MSMP: variants seen among roughly 807,000 people sequenced by gnomAD.
MSMP encodes microseminoprotein, prostate associated.
Under a neutral mutation model 15.8 loss-of-function variants are expected in MSMP, and 9 were observed. The ratio of observed to expected loss-of-function variants is 0.57; its 90% CI spans 0.34 to 0.99. MSMP has a LOEUF of 0.99. Ranked by LOEUF, MSMP falls within the 50% of genes least tolerant of loss-of-function variation. MSMP has a pLI of 0.02. For missense variants in MSMP, 170 were observed against 173.4 expected, an observed-to-expected ratio of 0.98 and a Z score of 0.11; for synonymous variants, 64 against 64.4, an observed-to-expected ratio of 0.99 and a Z score of 0.03.
Position 35,753,328 on chromosome 9 carries a change from CT to C in MSMP, c.240-49del, listed in dbSNP as rs765699346. 2.0e-5 allele frequency: 31 copies of C among 1,580,764 alleles called. No individual in the cohort carries two copies. In the East Asian group the frequency reaches 6.7e-4, roughly 34 times the overall value. On this transcript the variant is annotated intron_variant, in intron 2 of 2. Transcript: ENST00000436428. The surrounding 1 kb of genome is among the most constrained non-coding windows in gnomAD (Gnocchi z 4.2). ...AGGAGTCAGCACAGTGAAAGGCTGC[CT>C]TTATCCCTGCCCACATGTTCCCTCT...
chr9:35,753,398 G>A lies in MSMP; in HGVS notation c.240-118C>T. ...CAGAGCCCCTTTCAGTGGCCCCTTG[G>A]TCCTCCTAACTAAGCTGTCACCTAC... On this transcript the variant is annotated intron_variant, in intron 2 of 2. Coordinates refer to ENST00000436428, the MANE Select transcript of MSMP (RefSeq NM_001044264.3). This position sits in a 1 kb window ranked among gnomAD's most constrained non-coding sequence, Gnocchi z 4.2. 8.6e-7 allele frequency: 1 copy of A among 1,161,150 alleles called. No individual in the cohort carries two copies. Among genetic ancestry groups the A allele is most frequent in the Admixed American group, 2.5e-5 (1 of 39,834 alleles). The allele number at this position is 1,161,150 out of a possible 1,614,324, so 71.9% of individuals were successfully genotyped here.
Position 35,753,848 on chromosome 9 carries a change from G to T in MSMP, c.131-80C>A. ...GCTCTTCTGGTCTGGGGTGGAGACA[G>T]TAAGTACGCACTATCCCCGTATTTA... is the stretch of plus-strand genomic sequence containing the variant. On this transcript the variant is annotated intron_variant, in intron 1 of 2. Coordinates refer to ENST00000436428, the MANE Select transcript of MSMP (RefSeq NM_001044264.3). The surrounding 1 kb of genome is among the most constrained non-coding windows in gnomAD (Gnocchi z 4.2). The T allele has an allele frequency of 6.6e-7, 1 of 1,522,200 alleles. No individual in the cohort carries two copies. The highest frequency in any genetic ancestry group is 9.1e-7 in the Non-Finnish European group (1 of 1,104,330). The allele number at this position is 1,522,200 out of a possible 1,614,324, so 94.3% of individuals were successfully genotyped here.
Position 35,753,803 on chromosome 9 carries a change from A to T in MSMP, c.131-35T>A. 1.9e-6 allele frequency: 3 copies of T among 1,582,800 alleles called. No individual in the cohort carries two copies. Among genetic ancestry groups the T allele is most frequent in the Non-Finnish European group, 2.6e-6 (3 of 1,152,242 alleles). On this transcript the variant is annotated intron_variant, in intron 1 of 2. Transcript: ENST00000436428. This position sits in a 1 kb window ranked among gnomAD's most constrained non-coding sequence, Gnocchi z 4.2. ...AACGGGAAATGTTAGTAGGTGTAGG[A>T]GTGCTGATGAGAGGCAGAGGCTCTT...
chr9:35,753,513 T>C lies in MSMP; in HGVS notation c.239+147A>G. On this transcript the variant is annotated intron_variant, in intron 2 of 2. Transcript: ENST00000436428. The surrounding 1 kb of genome is among the most constrained non-coding windows in gnomAD (Gnocchi z 4.2). ...TGATTTATAGCCTGAAGCCTTATCT[T>C]TCACACTAGTGTTGGTCCCTTCAGG... is the stretch of plus-strand genomic sequence containing the variant. The C allele has an allele frequency of 2.5e-6, 2 of 786,674 alleles. No homozygotes were observed. The highest frequency in any genetic ancestry group is 2.6e-4 in the Middle Eastern group (1 of 3,868). 48.7% of individuals were successfully genotyped at this position (786,674 alleles called of 1,614,324 possible). A position where few individuals can be genotyped will look rare whatever the true frequency, so the allele number is the denominator to read the frequency against.
Position 35,754,246 on chromosome 9 carries a change from G to A in MSMP, c.-117C>T. On this transcript the variant is annotated 5_prime_UTR_variant, in exon 1 of 3. Transcript: ENST00000436428. ...TCTTAGTTTCTGTCTTTCTCCCCTGGGCTCCTGTCTCACACTATCTCCCTG... is the reference window on the plus strand; with the variant it reads ...TCTTAGTTTCTGTCTTTCTCCCCTGAGCTCCTGTCTCACACTATCTCCCTG... The A allele has an allele frequency of 7.5e-7, 1 of 1,340,814 alleles. No individual in the cohort carries two copies. Among genetic ancestry groups the A allele is most frequent in the Non-Finnish European group, 1.0e-6 (1 of 990,524 alleles). 83.1% of individuals were successfully genotyped at this position (1,340,814 alleles called of 1,614,324 possible). A position where few individuals can be genotyped will look rare whatever the true frequency, so the allele number is the denominator to read the frequency against.
Position 35,753,474 on chromosome 9 carries a change from A to G in MSMP, c.239+186T>C. 1 of 770,746 alleles carries G rather than the reference A, an allele frequency of 1.3e-6. No individual in the cohort carries two copies. The highest frequency in any genetic ancestry group is 1.9e-5 in the South Asian group (1 of 53,126). 47.7% of individuals were successfully genotyped at this position (770,746 alleles called of 1,614,324 possible). On this transcript the variant is annotated intron_variant, in intron 2 of 2. Transcript: ENST00000436428. The surrounding 1 kb of genome is among the most constrained non-coding windows in gnomAD (Gnocchi z 4.2). ...ACAGGAGTATTTTCTCTCCAGGTCC[A>G]CCCCAACCTCCCCTGATTTATAGCC...
rs891137146 is a variant in MSMP at position 35,754,065 on chromosome 9, C to A, written c.65G>T (p.Cys22Phe). ...KGILGGWGII[C>F]LVMSLLLQHP... The stretch of plus-strand genomic sequence containing the variant: ...CTGGAGGAGTAGAGACATCACCAAG[C>A]AGATGATCCCCCAGCCTCCTAGGAT... The change falls in exon 1 of 3, where the codon TGC becomes TTC. Residue 22 changes from cysteine to phenylalanine, a missense_variant. Coordinates refer to ENST00000436428, the MANE Select transcript of MSMP (RefSeq NM_001044264.3). 3.1e-6 allele frequency: 5 copies of A among 1,613,768 alleles called. No individual in the cohort carries two copies. In the African/African-American group the frequency reaches 4.0e-5, roughly 13 times the overall value.
chr9:35,753,887 G>A lies in MSMP; in HGVS notation c.130+113C>T. The A allele has an allele frequency of 6.5e-7, 1 of 1,548,302 alleles. No individual in the cohort carries two copies. The highest frequency in any genetic ancestry group is 8.8e-7 in the Non-Finnish European group (1 of 1,137,648). On this transcript the variant is annotated intron_variant, in intron 1 of 2. Coordinates refer to ENST00000436428, the MANE Select transcript of MSMP (RefSeq NM_001044264.3). This position sits in a 1 kb window ranked among gnomAD's most constrained non-coding sequence, Gnocchi z 4.2. ...TCCCCGTATTTAGTTTGTCTTTCCT[G>A]TTTCACAGCTGGAGGAAGCCTGGGT...
At position 35,753,668 on chromosome 9, in the gene MSMP, G is replaced by A; in HGVS notation, c.231C>T (p.Cys77=). Residue 77 remains cysteine, a synonymous_variant, in exon 2 of 3, where the codon TGC becomes TGT. Coordinates refer to ENST00000436428, the MANE Select transcript of MSMP (RefSeq NM_001044264.3). The surrounding 1 kb of genome is among the most constrained non-coding windows in gnomAD (Gnocchi z 4.2). ...CTCLHPVGVG[C]CDTSQHPIDF... ...CATCTTTGGTCACTCACGTGTCACA[G>A]CAGCCCACGCCAACAGGATGCAGAC... 6.2e-7 allele frequency: 1 copy of A among 1,613,680 alleles called. No homozygotes were observed. Among genetic ancestry groups the A allele is most frequent in the South Asian group, 1.1e-5 (1 of 91,052 alleles).
In MSMP at chr9:35,753,254, G is replaced by A; in HGVS notation, c.266C>T (p.Ala89Val). ...DTSQHPIDFPAGCEVRQEAGT... is the reference protein window; with the variant it reads ...DTSQHPIDFPVGCEVRQEAGT... ...TGCCTCCTGACGTACCTCACACCCA[G>A]CCGGGAAGTCGATGGGATGCTGGGA... Residue 89 changes from alanine to valine, a missense_variant, in exon 3 of 3, where the codon GCT becomes GTT. Ala to Val is a moderately conservative substitution (Grantham distance 64). Coordinates refer to ENST00000436428, the MANE Select transcript of MSMP (RefSeq NM_001044264.3). The surrounding 1 kb of genome is among the most constrained non-coding windows in gnomAD (Gnocchi z 4.2). The A allele has an allele frequency of 6.2e-7, 1 of 1,614,072 alleles. No homozygotes were observed. Among genetic ancestry groups the A allele is most frequent in the Non-Finnish European group, 8.5e-7 (1 of 1,180,020 alleles).
In MSMP at chr9:35,753,410, A is replaced by G; in HGVS notation, c.240-130T>C. ...CAGTGGCCCCTTGGTCCTCCTAACT[A>G]AGCTGTCACCTACCATATGTGGGCC... On this transcript the variant is annotated intron_variant, in intron 2 of 2. Coordinates refer to ENST00000436428, the MANE Select transcript of MSMP (RefSeq NM_001044264.3). The surrounding 1 kb of genome is among the most constrained non-coding windows in gnomAD (Gnocchi z 4.2). The G allele has an allele frequency of 9.8e-7, 1 of 1,021,328 alleles. No individual in the cohort carries two copies. The highest frequency in any genetic ancestry group is 1.4e-6 in the Non-Finnish European group (1 of 710,616). The allele number at this position is 1,021,328 out of a possible 1,614,324, so 63.3% of individuals were successfully genotyped here. A position where few individuals can be genotyped will look rare whatever the true frequency, so the allele number is the denominator to read the frequency against.
chr9:35,754,088 G>C lies in MSMP; in HGVS notation c.42C>G (p.Ile14Met), dbSNP rs1470928663. 1.2e-6 allele frequency: 2 copies of C among 1,613,584 alleles called. No homozygotes were observed. Among genetic ancestry groups the C allele is most frequent in the Admixed American group, 1.7e-5 (1 of 59,972 alleles). ...AGCAGATGATCCCCCAGCCTCCTAG[G>C]ATCCCCTTGGCCTGTCCAGCCCAGA... The part of the protein sequence containing the change: ...RMLWAGQAKG[I>M]LGGWGIICLV... The change falls in exon 1 of 3, where the codon ATC becomes ATG. Residue 14 changes from isoleucine (I) to methionine (M), a missense_variant. By Grantham distance (10) the Ile-to-Met change is conservative. Coordinates refer to ENST00000436428, the MANE Select transcript of MSMP (RefSeq NM_001044264.3).
In MSMP at chr9:35,753,426, T is replaced by C; in HGVS notation, c.240-146A>G. On this transcript the variant is annotated intron_variant, in intron 2 of 2. Coordinates refer to ENST00000436428, the MANE Select transcript of MSMP (RefSeq NM_001044264.3). This position sits in a 1 kb window ranked among gnomAD's most constrained non-coding sequence, Gnocchi z 4.2. ...CTCCTAACTAAGCTGTCACCTACCA[T>C]ATGTGGGCCTTTTTGTTTTATAACA... 1.1e-6 allele frequency: 1 copy of C among 888,460 alleles called. No individual in the cohort carries two copies. The highest frequency in any genetic ancestry group is 1.7e-6 in the Non-Finnish European group (1 of 593,852). 55.0% of individuals were successfully genotyped at this position (888,460 alleles called of 1,614,324 possible). A position where few individuals can be genotyped will look rare whatever the true frequency, so the allele number is the denominator to read the frequency against.
Position 35,753,365 on chromosome 9 carries a change from T to C in MSMP, c.240-85A>G, listed in dbSNP as rs965051726. On this transcript the variant is annotated intron_variant, in intron 2 of 2. Coordinates refer to ENST00000436428, the MANE Select transcript of MSMP (RefSeq NM_001044264.3). This position sits in a 1 kb window ranked among gnomAD's most constrained non-coding sequence, Gnocchi z 4.2. ...CCACATGTTCCCTCTCTCACAGTTT[T>C]CCCCCCACAGAGCCCCTTTCAGTGG... 1.3e-4 allele frequency: 189 copies of C among 1,469,584 alleles called. No individual in the cohort carries two copies. The highest frequency in any genetic ancestry group is 1.7e-4 in the Non-Finnish European group (185 of 1,085,772). The allele number at this position is 1,469,584 out of a possible 1,614,324, so 91.0% of individuals were successfully genotyped here.
Position 35,753,094 on chromosome 9 carries a change from T to C in MSMP, c.*6A>G. ...GAGCAGTCAGCAGATGGATGATCAG[T>C]TGAGTTTAGCTGGAGTGGGGAGCAG... On this transcript the variant is annotated 3_prime_UTR_variant, in exon 3 of 3. Coordinates refer to ENST00000436428, the MANE Select transcript of MSMP (RefSeq NM_001044264.3). The surrounding 1 kb of genome is among the most constrained non-coding windows in gnomAD (Gnocchi z 4.2). 6.2e-7 allele frequency: 1 copy of C among 1,612,836 alleles called. No homozygotes were observed. The highest frequency in any genetic ancestry group is 8.5e-7 in the Non-Finnish European group (1 of 1,179,066).
Position 35,753,307 on chromosome 9 carries a change from G to T in MSMP, c.240-27C>A, listed in dbSNP as rs758848388. 7.5e-6 allele frequency: 12 copies of T among 1,606,586 alleles called. No homozygotes were observed. Among genetic ancestry groups the T allele is most frequent in the Non-Finnish European group, 1.0e-5 (12 of 1,177,384 alleles). ...TGGGGAACCAAGGATAGGGGAAGGA[G>T]TCAGCACAGTGAAAGGCTGCCTTTA... On this transcript the variant is annotated intron_variant, in intron 2 of 2. Coordinates refer to ENST00000436428, the MANE Select transcript of MSMP (RefSeq NM_001044264.3). The surrounding 1 kb of genome is among the most constrained non-coding windows in gnomAD (Gnocchi z 4.2).
Position 35,753,076 on chromosome 9 carries a change from C to T in MSMP, c.*24G>A. ...GGAAGTGGCAGCAGCAGTGAGCAGTCAGCAGATGGATGATCAGTTGAGTTT... is the reference window on the plus strand; with the variant it reads ...GGAAGTGGCAGCAGCAGTGAGCAGTTAGCAGATGGATGATCAGTTGAGTTT... On this transcript the variant is annotated 3_prime_UTR_variant, in exon 3 of 3. Coordinates refer to ENST00000436428, the MANE Select transcript of MSMP (RefSeq NM_001044264.3). The surrounding 1 kb of genome is among the most constrained non-coding windows in gnomAD (Gnocchi z 4.2). The T allele has an allele frequency of 6.2e-7, 1 of 1,609,240 alleles. No individual in the cohort carries two copies. Among genetic ancestry groups the T allele is most frequent in the South Asian group, 1.1e-5 (1 of 90,810 alleles).
At position 35,753,730 on chromosome 9, in the gene MSMP, C is replaced by T; in HGVS notation, c.169G>A (p.Glu57Lys). Residue 57 changes from glutamate to lysine, a missense_variant, in exon 2 of 3, where the codon GAG becomes AAG. By Grantham distance (56) the Glu-to-Lys change is moderately conservative (BLOSUM62 1). Coordinates refer to ENST00000436428, the MANE Select transcript of MSMP (RefSeq NM_001044264.3). This position sits in a 1 kb window ranked among gnomAD's most constrained non-coding sequence, Gnocchi z 4.2. ...AAACAGTCCTTGCGGAGCCAAGACT[C>T]ACCCAGGGTAAAATATTTCCCCTCA... Reference protein sequence around the residue: ...HYEGKYFTLGESWLRKDCFHC... With the variant: ...HYEGKYFTLGKSWLRKDCFHC... The T allele has an allele frequency of 1.2e-6, 2 of 1,614,164 alleles. No individual in the cohort carries two copies. The highest frequency in any genetic ancestry group is 1.3e-5 in the African/African-American group (1 of 75,052).
chr9:35,753,143 G>T lies in MSMP; in HGVS notation c.377C>A (p.Ala126Asp), dbSNP rs1453294361. ...GGGPDPEWGS[A>D]NTPVPGAPAP... ...AGGAGCCCCAGGAACAGGGGTGTTG[G>T]CTGAGCCCCATTCTGGGTCAGGCCC... Residue 126 changes from alanine (A) to aspartate (D), a missense_variant, in exon 3 of 3, where the codon GCC (alanine) becomes GAC (aspartate). Ala to Asp is a moderately radical substitution (Grantham distance 126, BLOSUM62 -2). Coordinates refer to ENST00000436428, the MANE Select transcript of MSMP (RefSeq NM_001044264.3). The surrounding 1 kb of genome is among the most constrained non-coding windows in gnomAD (Gnocchi z 4.2). The T allele has an allele frequency of 5.0e-6, 8 of 1,614,068 alleles. No homozygotes were observed. In the Admixed American group the frequency reaches 1.3e-4, roughly 27 times the overall value.
Sources: gnomAD v4.1 joint callset for allele counts on GRCh38, gnomAD v4.1.1 for gene constraint, Gnocchi (gnomAD v3.1) non-coding constraint, MANE v1.5 for transcripts, NCBI Gene and HGNC (gene_info 2026-07-23, HGNC 2026-07-21) for gene names.